NKIRAS1: variants seen among roughly 807,000 people sequenced by gnomAD.
The protein encoded by NKIRAS1 is NFKB inhibitor interacting Ras like 1, also known as NF-kappa-B inhibitor-interacting Ras-like protein 1.
A neutral mutation model predicts 19.8 loss-of-function variants in NKIRAS1; 16 were observed. That is an observed-to-expected ratio of 0.81 (90% CI 0.55 to 1.23). The LOEUF is 1.23. NKIRAS1 is among the 50% of genes most tolerant of loss of function. The pLI, the probability that NKIRAS1 is intolerant of heterozygous loss-of-function variation, is 0.00. For synonymous variants in NKIRAS1, 88 were observed against 79.0 expected (o/e 1.11, Z -0.61); for missense variants, 184 against 220.0 (o/e 0.84, Z 1.04).
At chr3:23,902,099 A>G (rs1197995809) in intron 3 of NKIRAS1, among the ~76,000 whole-genome samples, 2 of 152,164 alleles carry the variant, frequency 1.3e-5, no homozygotes, top group African/African-American at 2.4e-5. Flanking sequence ...AAAAATAAAA[A>G]TAAATGAATG....
intron 1 of NKIRAS1, among the ~76,000 whole-genome samples, chr3:23,936,576 T>A (rs959049042): frequency 3.9e-5 from 6 of 152,100 alleles, no homozygotes; most frequent in Non-Finnish European, 8.8e-5. Context: ...AGACGGAGTC[T>A]CCCTCTGTCG....
At chr3:23,941,645 G>C (rs1705499699) in intron 1 of NKIRAS1, among the ~76,000 whole-genome samples, 1 of 152,136 alleles carries the variant, frequency 6.6e-6, no homozygotes, top group Non-Finnish European at 1.5e-5. Flanking sequence ...AGCACGCTGG[G>C]TACTGCCCAA....
chr3:23,929,420 T>A (rs538641190), intron 1 of NKIRAS1, among the ~76,000 whole-genome samples: 4 of 151,704 alleles, frequency 2.6e-5, no homozygotes, highest in African/African-American at 7.3e-5. Flanking sequence ...CCTGAAAAAA[T>A]TTGTTTATTT....
chr3:23,945,458 A>C, intron 1 of NKIRAS1: 4 of 447,804 alleles, frequency 8.9e-6, no homozygotes, highest in Non-Finnish European at 9.2e-6. Context: ...CGCTCTGCCC[A>C]TGAGGGGGCC....
At chr3:23,917,107 G>C (rs1218828954), upstream of NKIRAS1, 2 of 152,604 alleles carry the variant, frequency 1.3e-5, no homozygotes, top group South Asian at 2.1e-4. Context: ...TGGCTGAGGT[G>C]GGGGAGGAGC....
intron 1 of NKIRAS1, among the ~76,000 whole-genome samples, chr3:23,936,178 G>C (rs1476809100): frequency 2.0e-5 from 3 of 151,094 alleles, no homozygotes; most frequent in South Asian, 2.1e-4. Flanking sequence ...GTTTGTCCTA[G>C]AGTCTATAGG....
intron 1 of NKIRAS1, among the ~76,000 whole-genome samples, chr3:23,925,324 A>G (rs1410231131): frequency 6.6e-6 from 1 of 152,200 alleles, no homozygotes; most frequent in Non-Finnish European, 1.5e-5. Flanking sequence ...TTGCCAGAAT[A>G]TGATGATGTT....
chr3:23,928,718 G>A (rs1575129476), intron 1 of NKIRAS1, among the ~76,000 whole-genome samples: 1 of 147,906 alleles, frequency 6.8e-6, no homozygotes, highest in Non-Finnish European at 1.5e-5. Context: ...AAGGCCGGGC[G>A]CTGTGACTCA....
intron 1 of NKIRAS1, among the ~76,000 whole-genome samples, chr3:23,936,251 CA>C (rs1315665081): frequency 6.6e-6 from 1 of 152,132 alleles, no homozygotes; most frequent in Admixed American, 6.6e-5. Flanking sequence ...GTGCTCTTTG[CA>C]TTTAAAATTC....
At position 23,911,160 on chromosome 3, in the gene NKIRAS1, T is replaced by C. The variant is rs111446842; in HGVS notation, c.-18+169A>G. Among the ~76,000 whole-genome samples, 360 of 152,156 alleles carry C rather than the reference T, an allele frequency of 2.4e-3. 1 individual carries two copies. Among genetic ancestry groups the C allele is most frequent in the African/African-American group, 7.4e-3 (307 of 41,524 alleles). On this transcript the variant is annotated intron_variant, in intron 2 of 4. Coordinates refer to ENST00000425478, the MANE Select transcript of NKIRAS1 (RefSeq NM_020345.4). ...ATCTCACGGAGACAATGTAGATAAA[T>C]ATAAGAATACAGGCCAGGCACAGTG... is the stretch of plus-strand genomic sequence containing the variant.
At chr3:23,918,242 G>A, upstream of NKIRAS1, 2 of 911,420 alleles carry the variant, frequency 2.2e-6, no homozygotes, top group Non-Finnish European at 1.6e-6. Flanking sequence ...TCAGACTAAA[G>A]CAAAATAAAC....
intron 1 of NKIRAS1, among the ~76,000 whole-genome samples, chr3:23,914,114 G>T (rs532435018): frequency 1.3e-5 from 2 of 151,456 alleles, no homozygotes; most frequent in East Asian, 3.9e-4. Context: ...TTACTTTCCA[G>T]GCTAATCAAT....
chr3:23,899,156 C>A (rs1464696070), intron 4 of NKIRAS1, among the ~76,000 whole-genome samples: 1 of 152,052 alleles, frequency 6.6e-6, no homozygotes, highest in Non-Finnish European at 1.5e-5. Flanking sequence ...GAGTGGTTAC[C>A]AAGGGTTAAG....
chr3:23,942,623 G>GT (rs1705523036), intron 1 of NKIRAS1, among the ~76,000 whole-genome samples: 1 of 152,052 alleles, frequency 6.6e-6, no homozygotes, highest in African/African-American at 2.4e-5. Context: ...TAGAGACGGG[G>GT]TTTCTCCACG....
intron 4 of NKIRAS1, among the ~76,000 whole-genome samples, chr3:23,896,193 C>A (rs571768716): frequency 6.6e-6 from 1 of 151,722 alleles, no homozygotes; most frequent in East Asian, 2.0e-4. Flanking sequence ...TAACAACCTA[C>A]CATCTTCCAA....
intron 3 of NKIRAS1, among the ~76,000 whole-genome samples, chr3:23,901,564 T>C (rs1353586995): frequency 6.6e-6 from 1 of 152,162 alleles, no homozygotes; most frequent in Non-Finnish European, 1.5e-5. Flanking sequence ...TAAAAATGCA[T>C]TTTACCACTT....
chr3:23,943,375 G>A (rs541385948), intron 1 of NKIRAS1, among the ~76,000 whole-genome samples: 1 of 152,330 alleles, frequency 6.6e-6, no homozygotes, highest in African/African-American at 2.4e-5. Flanking sequence ...TGGGATTACA[G>A]GCATGCGCCA....
At chr3:23,909,130 T>C (rs1000451607) in intron 3 of NKIRAS1, among the ~76,000 whole-genome samples, 6 of 152,174 alleles carry the variant, frequency 3.9e-5, no homozygotes, top group Non-Finnish European at 5.9e-5. Flanking sequence ...CTGACATAGG[T>C]ATTATAATAA....
At chr3:23,938,365 A>G (rs1374875045) in intron 1 of NKIRAS1, among the ~76,000 whole-genome samples, 1 of 152,020 alleles carries the variant, frequency 6.6e-6, no homozygotes, top group African/African-American at 2.4e-5. Flanking sequence ...AGGAGCCACC[A>G]CACCCAACAA....
Sources: gnomAD v4.1 joint callset for allele counts (sites outside exome capture counted in the v4.1 genomes callset) on GRCh38, gnomAD v4.1.1 for gene constraint, MANE v1.5 for transcripts, NCBI Gene and HGNC (gene_info 2026-07-23, HGNC 2026-07-21) for gene names.